The following PNO1 variants were observed in gnomAD, a reference collection of about 807,000 sequenced individuals.
PNO1 encodes partner of NOB1 homolog.
A neutral mutation model predicts 28.4 loss-of-function variants in PNO1; 16 were observed. The ratio of observed to expected loss-of-function variants is 0.56; its 90% CI spans 0.38 to 0.85. PNO1 has a LOEUF of 0.85. Ranked by LOEUF, PNO1 falls within the 40% of genes least tolerant of loss-of-function variation. The pLI is 0.00. For synonymous variants in PNO1, 115 were observed against 110.8 expected, an observed-to-expected ratio of 1.04 and a Z score of -0.24; for missense variants, 304 against 312.2, an observed-to-expected ratio of 0.97 and a Z score of 0.20.
chr2:68,158,842 A>G (rs895214435), intron 2 of PNO1, among the ~76,000 whole-genome samples: 1 of 152,248 alleles, frequency 6.6e-6, no homozygotes. Context: ...GAAGCAGGTA[A>G]ATAATGAATA....
At chr2:68,160,867 C>T (rs1197262572) in intron 2 of PNO1, among the ~76,000 whole-genome samples, 2 of 152,212 alleles carry the variant, frequency 1.3e-5, no homozygotes, top group Non-Finnish European at 2.9e-5. Flanking sequence ...GGGACTCTCC[C>T]ATTGCACAAG....
rs866148349 is a variant in PNO1, at chr2:68,172,789, G to A, written c.621-558G>A. Among the ~76,000 whole-genome samples the A allele has an allele frequency of 8.3e-4, 127 of 152,282 alleles. 1 individual carries two copies. Among genetic ancestry groups the A allele is most frequent in the African/African-American group, 2.9e-3 (121 of 41,554 alleles). ...GTCATGTGAGGATTAATGAGGGCAT[G>A]CATAGAAAGCCCTGGCACATAAAGC... is the stretch of plus-strand genomic sequence containing the variant. On this transcript the variant is annotated intron_variant, in intron 5 of 6. Coordinates refer to ENST00000263657, the MANE Select transcript of PNO1 (RefSeq NM_020143.4).
Position 68,175,795 on chromosome 2 carries a change from G to A in PNO1, c.*993G>A, listed in dbSNP as rs571125069. The A allele has an allele frequency of 6.6e-5, 10 of 152,294 alleles. No homozygotes were observed. The highest frequency in any genetic ancestry group is 2.0e-4 in the Admixed American group (3 of 15,302). 9.4% of individuals were successfully genotyped at this position (152,294 alleles called of 1,614,324 possible). A position where few individuals can be genotyped will look rare whatever the true frequency, so the allele number is the denominator to read the frequency against. On this transcript the variant is annotated 3_prime_UTR_variant, in exon 7 of 7. Coordinates refer to ENST00000263657, the MANE Select transcript of PNO1 (RefSeq NM_020143.4). ...ACAGATGCTTCTCAACTTATGATGGGTTTAGGTCCAGATAAGCCCACTGTG... is the reference window on the plus strand; with the variant it reads ...ACAGATGCTTCTCAACTTATGATGGATTTAGGTCCAGATAAGCCCACTGTG...
rs1429830922 is a variant in PNO1, at chr2:68,163,541, A to ATACATACATACG, written c.620+889_620+890insGTACATACATAC. Among the ~76,000 whole-genome samples the ATACATACATACG allele has an allele frequency of 1.8e-4, 20 of 112,472 alleles. No homozygotes were observed. The East Asian group carries it at 3.0e-3, about 17-fold the overall frequency. The allele number at this position is 112,472 out of a possible 152,430, so 73.8% of individuals were successfully genotyped here. A position where few individuals can be genotyped will look rare whatever the true frequency, so the allele number is the denominator to read the frequency against. ...GTGAGACTCTGTCTCAAATAAATAA[A>ATACATACATACG]TACATACATACATACATACATACAT... On this transcript the variant is annotated intron_variant, in intron 5 of 6. Transcript: ENST00000263657.
intron 2 of PNO1, among the ~76,000 whole-genome samples, chr2:68,159,565 TG>T (rs1673776882): frequency 6.6e-6 from 1 of 152,206 alleles, no homozygotes; most frequent in South Asian, 2.1e-4. Flanking sequence ...AAATTTACTT[TG>T]GGCTTTCTTT....
intron 5 of PNO1, 28 bp downstream of exon 5, chr2:68,162,691 T>C: frequency 7.9e-7 from 1 of 1,264,296 alleles, no homozygotes; most frequent in Non-Finnish European, 1.2e-6. Flanking sequence ...AGAAAATTAT[T>C]GTCATAATTT....
chr2:68,174,839 C>CT lies in PNO1; in HGVS notation c.*38dup. On this transcript the variant is annotated 3_prime_UTR_variant, in exon 7 of 7. Transcript: ENST00000263657. ...AGACTTTTTATCTTGCCTTTGGACTCTGGTGAAAAATACTTTACAGTGGTC... is the reference window on the plus strand; with the variant it reads ...AGACTTTTTATCTTGCCTTTGGACTCTTGGTGAAAAATACTTTACAGTGGTC... 2 of 1,380,186 alleles carry CT rather than the reference C, an allele frequency of 1.4e-6. No homozygotes were observed. Among genetic ancestry groups the CT allele is most frequent in the Non-Finnish European group, 2.1e-6 (2 of 973,588 alleles). 85.5% of individuals were successfully genotyped at this position (1,380,186 alleles called of 1,614,324 possible). A position where few individuals can be genotyped will look rare whatever the true frequency, so the allele number is the denominator to read the frequency against.
At position 68,158,231 on chromosome 2, in the gene PNO1, G is replaced by C; in HGVS notation, c.207+90G>C. The C allele has an allele frequency of 2.8e-6, 4 of 1,414,050 alleles. No homozygotes were observed. In the South Asian group the frequency reaches 5.4e-5, roughly 19 times the overall value. The allele number at this position is 1,414,050 out of a possible 1,614,324, so 87.6% of individuals were successfully genotyped here. A position where few individuals can be genotyped will look rare whatever the true frequency, so the allele number is the denominator to read the frequency against. ...TCTGGAGAATGTTGAAGCTGCGGTG[G>C]GGCTGTTCTGCCGTGATGCTCAGAG... On this transcript the variant is annotated intron_variant, in intron 1 of 6. Coordinates refer to ENST00000263657, the MANE Select transcript of PNO1 (RefSeq NM_020143.4).
intron 5 of PNO1, among the ~76,000 whole-genome samples, chr2:68,166,738 T>G (rs1674005042): frequency 6.6e-6 from 1 of 152,228 alleles, no homozygotes; most frequent in Non-Finnish European, 1.5e-5. Flanking sequence ...AAAAGCATCT[T>G]GAATAATCAG....
chr2:68,174,434 A>G (rs761062897), intron 6 of PNO1, among the ~76,000 whole-genome samples: 2 of 144,578 alleles, frequency 1.4e-5, no homozygotes, highest in Non-Finnish European at 2.9e-5. Flanking sequence ...AAATACTCAG[A>G]AAAAAAATAT....
intron 1 of PNO1, 39 bp from the exon 2 acceptor site, chr2:68,158,341 C>T (rs1387974696): frequency 1.3e-6 from 2 of 1,585,000 alleles, no homozygotes; most frequent in South Asian, 2.3e-5. Context: ...ATCACCGTCC[C>T]TCCATAGCCT....
At chr2:68,170,355 A>G (rs1359338459) in intron 5 of PNO1, among the ~76,000 whole-genome samples, 2 of 152,302 alleles carry the variant, frequency 1.3e-5, no homozygotes, top group African/African-American at 4.8e-5. Context: ...TTTGTGCAGC[A>G]AAACTACTCC....
At chr2:68,161,840 TA>T (rs113134222) in intron 3 of PNO1, 74 bp downstream of exon 3, 107,576 of 742,196 alleles carry the variant, frequency 0.14, no homozygotes, top group South Asian at 0.18. Context: ...GATTAGGCAT[TA>T]AAAAAAAAAA....
In PNO1 at chr2:68,165,377, A is replaced by C. The variant is rs13425164; in HGVS notation, c.620+2714A>C. 5.6e-3 allele frequency among the ~76,000 whole-genome samples: 345 copies of C among 61,802 alleles called. 6 individuals carry two copies. The highest frequency in any genetic ancestry group is 0.018 in the East Asian group (29 of 1,596). 40.5% of individuals were successfully genotyped at this position (61,802 alleles called of 152,430 possible). On this transcript the variant is annotated intron_variant, in intron 5 of 6. Coordinates refer to ENST00000263657, the MANE Select transcript of PNO1 (RefSeq NM_020143.4). ...AGACTCCGTCTCAAAAAAAAAAAAA[A>C]AACAACAAAAAAAAAAAAACTAGCT... is the stretch of plus-strand genomic sequence containing the variant.
At position 68,174,601 on chromosome 2, in the gene PNO1, A is replaced by G. The variant is rs1674224233; in HGVS notation, c.692-134A>G. On this transcript the variant is annotated intron_variant, in intron 6 of 6. Coordinates refer to ENST00000263657, the MANE Select transcript of PNO1 (RefSeq NM_020143.4). ...TAGTTAATGTGCATATTTTTTATGT[A>G]AGAGACTTGAGCATCCAAGGATTGT... is the stretch of plus-strand genomic sequence containing the variant. 8.8e-6 allele frequency: 5 copies of G among 565,724 alleles called. No homozygotes were observed. The East Asian group carries it at 1.4e-4, about 16-fold the overall frequency. The allele number at this position is 565,724 out of a possible 1,614,324, so 35.0% of individuals were successfully genotyped here.
chr2:68,161,591 C>A, intron 2 of PNO1, 92 bp from the exon 3 acceptor site: 1 of 807,868 alleles, frequency 1.2e-6, no homozygotes. Flanking sequence ...GGAAATTCTC[C>A]AATAATGGGA....
chr2:68,164,985 T>C (rs879891047), intron 5 of PNO1, among the ~76,000 whole-genome samples: 36 of 151,206 alleles, frequency 2.4e-4, no homozygotes, highest in Non-Finnish European at 4.0e-4. Context: ...TGTACCACTT[T>C]GGCGCAATTA....
chr2:68,174,591 T>A, intron 6 of PNO1, 144 bp from the exon 7 acceptor site: 1 of 547,030 alleles, frequency 1.8e-6, no homozygotes, highest in Non-Finnish European at 3.3e-6. Context: ...AATGTGCATA[T>A]TTTTTATGTA....
chr2:68,163,214 G>T (rs900889629), intron 5 of PNO1, among the ~76,000 whole-genome samples: 2 of 152,144 alleles, frequency 1.3e-5, no homozygotes, highest in African/African-American at 2.4e-5. Context: ...GCTATTAAAA[G>T]AAATTATTAC....
Sources: allele counts gnomAD v4.1 joint callset (sites outside exome capture counted in the v4.1 genomes callset), GRCh38; gene constraint gnomAD v4.1.1; transcripts MANE v1.5; gene names NCBI Gene and HGNC (gene_info 2026-07-23, HGNC 2026-07-21).